Variants in RIC1 observed in about 807,000 individuals in gnomAD.
RIC1 encodes RIC1 partner of RAB6A GEF complex.
A neutral mutation model predicts 169.0 loss-of-function variants in RIC1; 88 were observed. That is an observed-to-expected ratio of 0.52 (90% confidence interval 0.44 to 0.62). The LOEUF (loss-of-function observed/expected upper bound fraction) is 0.62. Ranked by LOEUF, RIC1 falls within the 20% of genes least tolerant of loss-of-function variation. The pLI is 0.00. For synonymous variants in RIC1, 790 were observed against 601.5 expected, an observed-to-expected ratio of 1.31 and a Z score of -4.59; for missense variants, 1,877 against 1,725.5, an observed-to-expected ratio of 1.09 and a Z score of -1.56.
In RIC1 at chr9:5,743,030, A is replaced by G; in HGVS notation, c.1046+17A>G. 6.3e-7 allele frequency: 1 copy of G among 1,597,320 alleles called. No individual in the cohort carries two copies. The highest frequency in any genetic ancestry group is 8.5e-7 in the Non-Finnish European group (1 of 1,174,976). On this transcript the variant is annotated intron_variant, in intron 9 of 25. Coordinates refer to ENST00000414202, the MANE Select transcript of RIC1 (RefSeq NM_020829.4). ...AGATTTTGCGTAAGTCAAAAAAGAC[A>G]ATTTTTAGATAAAATAACTCCATTA... is the stretch of plus-strand genomic sequence containing the variant.
At chr9:5,686,655 A>T (rs973045971) in intron 2 of RIC1, among the ~76,000 whole-genome samples, 27 of 150,342 alleles carry the variant, frequency 1.8e-4, no homozygotes, top group Non-Finnish European at 3.7e-4. Context: ...GAGGGATAGC[A>T]CTGGGAGATA....
At chr9:5,661,049 C>T (rs1158655498) in intron 2 of RIC1, among the ~76,000 whole-genome samples, 3 of 152,136 alleles carry the variant, frequency 2.0e-5, no homozygotes, top group Non-Finnish European at 2.9e-5. Context: ...CAATTTTCTG[C>T]ATACAGCTAG....
intron 2 of RIC1, among the ~76,000 whole-genome samples, chr9:5,689,072 G>A (rs1029296512): frequency 4.9e-4 from 49 of 100,390 alleles, no homozygotes; most frequent in Admixed American, 2.9e-3. Context: ...TTTTTGAGAC[G>A]GAGTCTCGCT....
intron 1 of RIC1, among the ~76,000 whole-genome samples, chr9:5,632,807 C>T (rs538659963): frequency 2.1e-4 from 32 of 152,240 alleles, no homozygotes; most frequent in Admixed American, 3.3e-4. Flanking sequence ...AGAATTATTC[C>T]TTTAATATAC....
intron 6 of RIC1, among the ~76,000 whole-genome samples, chr9:5,731,753 A>T (rs895811265): frequency 6.6e-6 from 1 of 152,174 alleles, no homozygotes; most frequent in Non-Finnish European, 1.5e-5. Context: ...TAAATAGTTT[A>T]CATGTGTATC....
intron 1 of RIC1, among the ~76,000 whole-genome samples, chr9:5,644,656 C>T (rs751747336): frequency 1.3e-5 from 2 of 152,236 alleles, no homozygotes; most frequent in African/African-American, 2.4e-5. Flanking sequence ...CTCCATTCAC[C>T]AGTTGACAGG....
chr9:5,644,024 T>G (rs1034229240), intron 1 of RIC1, among the ~76,000 whole-genome samples: 1 of 152,190 alleles, frequency 6.6e-6, no homozygotes, highest in African/African-American at 2.4e-5. Context: ...AATTTACCTA[T>G]GAAAATTTGG....
At chr9:5,767,302 C>G (rs1230201752) in intron 21 of RIC1, among the ~76,000 whole-genome samples, 1 of 152,188 alleles carries the variant, frequency 6.6e-6, no homozygotes, top group Non-Finnish European at 1.5e-5. Flanking sequence ...ACTGAAACTG[C>G]TATCACCCAT....
intron 2 of RIC1, among the ~76,000 whole-genome samples, chr9:5,656,899 A>G (rs1282758681): frequency 6.6e-5 from 10 of 152,152 alleles, no homozygotes; most frequent in African/African-American, 1.7e-4. Flanking sequence ...CAAAGCACCT[A>G]TATCCCTAAA....
chr9:5,686,610 C>G lies in RIC1; in HGVS notation c.253-3349C>G, dbSNP rs543032713. Among the ~76,000 whole-genome samples the G allele has an allele frequency of 3.8e-3, 489 of 127,848 alleles. 1 individual carries two copies. The highest frequency in any genetic ancestry group is 0.015 in the African/African-American group (476 of 32,274). 83.9% of individuals were successfully genotyped at this position (127,848 alleles called of 152,430 possible). ...CAGGGAGACATGAAGGGGAATATCACACTCTGGGGACTGTGGTGGGGTGGG... is the reference window on the plus strand; with the variant it reads ...CAGGGAGACATGAAGGGGAATATCAGACTCTGGGGACTGTGGTGGGGTGGG... On this transcript the variant is annotated intron_variant, in intron 2 of 25. Transcript: ENST00000414202.
chr9:5,699,730 G>C (rs1011060552), intron 3 of RIC1, among the ~76,000 whole-genome samples: 1 of 152,032 alleles, frequency 6.6e-6, no homozygotes, highest in African/African-American at 2.4e-5. Flanking sequence ...GCAATAATCT[G>C]AGATTTACAA....
At chr9:5,692,210 A>G (rs138243830) in intron 3 of RIC1, among the ~76,000 whole-genome samples, 1 of 152,244 alleles carries the variant, frequency 6.6e-6, no homozygotes, top group African/African-American at 2.4e-5. Flanking sequence ...CTTTGGTGTC[A>G]GATAGACCTG....
chr9:5,747,777 T>G (rs1343013134), intron 12 of RIC1, among the ~76,000 whole-genome samples: 1 of 141,060 alleles, frequency 7.1e-6, no homozygotes. Flanking sequence ...TGAGAACTAT[T>G]TATTTTACTT....
intron 6 of RIC1, among the ~76,000 whole-genome samples, chr9:5,724,743 T>C (rs1205943490): frequency 6.6e-6 from 1 of 152,154 alleles, no homozygotes; most frequent in East Asian, 1.9e-4. Flanking sequence ...CAATACCTAG[T>C]TTATTGAGAC....
chr9:5,663,769 A>T (rs1819593010), intron 2 of RIC1, among the ~76,000 whole-genome samples: 1 of 152,106 alleles, frequency 6.6e-6, no homozygotes, highest in Non-Finnish European at 1.5e-5. Context: ...TTAGCTTGCC[A>T]TTCTGTGTCT....
intron 1 of RIC1, among the ~76,000 whole-genome samples, chr9:5,642,753 C>T (rs1389564042): frequency 1.7e-5 from 2 of 115,768 alleles, no homozygotes; most frequent in Non-Finnish European, 3.4e-5. Flanking sequence ...TAACATAATC[C>T]ATATTATAGT....
chr9:5,731,612 T>G (rs762705509), intron 6 of RIC1, among the ~76,000 whole-genome samples: 11 of 152,312 alleles, frequency 7.2e-5, no homozygotes, highest in Middle Eastern at 6.8e-3. Context: ...TGTCTGTGAT[T>G]TGACAGATAG....
At chr9:5,682,568 C>T (rs1820922291) in intron 2 of RIC1, among the ~76,000 whole-genome samples, 1 of 152,124 alleles carries the variant, frequency 6.6e-6, no homozygotes, top group Non-Finnish European at 1.5e-5. Context: ...GTAACCCGAC[C>T]TTTCTCTGTG....
chr9:5,718,062 C>G (rs1823365933), intron 4 of RIC1, among the ~76,000 whole-genome samples: 1 of 134,020 alleles, frequency 7.5e-6, no homozygotes, highest in African/African-American at 2.7e-5. Context: ...ATCACTTGAA[C>G]CTGGGAGGCA....
Sources: allele counts gnomAD v4.1 joint callset (sites outside exome capture counted in the v4.1 genomes callset), GRCh38; gene constraint gnomAD v4.1.1; transcripts MANE v1.5; gene names NCBI Gene and HGNC (gene_info 2026-07-23, HGNC 2026-07-21).